Variants in DACH2 observed in about 807,000 individuals in gnomAD.
DACH2 encodes the protein dachshund homolog 2.
A neutral mutation model predicts 35.8 loss-of-function variants in DACH2; 17 were observed. The observed-to-expected ratio is 0.48, with a 90% CI of 0.33 to 0.71. The LOEUF (loss-of-function observed/expected upper bound fraction) is 0.71. Ranked by LOEUF, DACH2 falls within the 30% of genes least tolerant of loss-of-function variation. DACH2 has a pLI of 0.02. For missense variants in DACH2, 469 were observed against 472.7 expected (o/e 0.99, Z 0.07); for synonymous variants, 195 against 177.3 (o/e 1.10, Z -0.79).
At chrX:86,489,189 A>AAGATTC (rs2038060404) in intron 2 of DACH2, among the ~76,000 whole-genome samples, 2 of 111,241 alleles carry the variant, frequency 1.8e-5, no homozygotes, top group Non-Finnish European at 3.8e-5. Flanking sequence ...ATTTGAAGAT[A>AAGATTC]AGATTCATAC....
chrX:86,709,613 A>G (rs1394520616), intron 5 of DACH2, among the ~76,000 whole-genome samples: 1 of 111,999 alleles, frequency 8.9e-6, no homozygotes, highest in Non-Finnish European at 1.9e-5. Flanking sequence ...TGAAAAAACA[A>G]ACAACAGAGT....
At chrX:86,299,589 C>G (rs747490272) in intron 1 of DACH2, among the ~76,000 whole-genome samples, 3 of 112,058 alleles carry the variant, frequency 2.7e-5, no homozygotes, top group African/African-American at 9.7e-5. Context: ...TTGCTTTAGG[C>G]TGGGTTTGTT....
intron 3 of DACH2, among the ~76,000 whole-genome samples, chrX:86,516,355 CT>C (rs2038467170): frequency 9.0e-6 from 1 of 111,127 alleles, no homozygotes; most frequent in South Asian, 3.8e-4. Context: ...TTAAAATTGC[CT>C]TGAAGCTAAA....
chrX:86,520,252 T>C (rs1202709874), intron 3 of DACH2, among the ~76,000 whole-genome samples: 1 of 112,015 alleles, frequency 8.9e-6, no homozygotes, highest in East Asian at 2.8e-4. Flanking sequence ...GTTTTTATTG[T>C]GCTGTGGTCC....
chrX:86,549,518 C>CT (rs1232710509), intron 3 of DACH2, among the ~76,000 whole-genome samples: 41 of 107,948 alleles, frequency 3.8e-4, no homozygotes, highest in African/African-American at 1.0e-3. Context: ...GAGAGAAAGC[C>CT]TTTTTTTTTC....
At chrX:86,170,855 G>A (rs2031103292) in intron 1 of DACH2, among the ~76,000 whole-genome samples, 1 of 112,268 alleles carries the variant, frequency 8.9e-6, no homozygotes, top group Non-Finnish European at 1.9e-5. Context: ...TACATTTTAG[G>A]GAGACGTGAG....
At chrX:86,697,470 G>A (rs777080296) in intron 5 of DACH2, among the ~76,000 whole-genome samples, 2 of 109,905 alleles carry the variant, frequency 1.8e-5, no homozygotes, top group East Asian at 2.9e-4. Context: ...GGCTTTAAAC[G>A]AAAAAAAATG....
Position 86,784,498 on chromosome X carries a change from G to A in DACH2, c.1241-28358G>A, listed in dbSNP as rs185932856. Among the ~76,000 whole-genome samples the A allele has an allele frequency of 2.5e-4, 28 of 111,982 alleles. No individual in the cohort carries two copies. In the South Asian group the frequency reaches 4.1e-3, roughly 16 times the overall value. ...AAATAACAGATGCTGGTGAAGCTGC[G>A]GAGAAAAAGGAACACTTATACACTG... On this transcript the variant is annotated intron_variant, in intron 7 of 11. Transcript: ENST00000373125.
intron 3 of DACH2, among the ~76,000 whole-genome samples, chrX:86,532,860 A>C (rs1300876876): frequency 1.8e-5 from 2 of 110,766 alleles, no homozygotes; most frequent in African/African-American, 6.6e-5. Flanking sequence ...ATAGAACCAT[A>C]CATTGTTCAT....
At chrX:86,422,618 A>T (rs1479455666) in intron 2 of DACH2, among the ~76,000 whole-genome samples, 1 of 111,040 alleles carries the variant, frequency 9.0e-6, no homozygotes, top group African/African-American at 3.3e-5. Context: ...TGAAATAAGC[A>T]CATCATGGAT....
intron 1 of DACH2, among the ~76,000 whole-genome samples, chrX:86,178,808 CTCTTATT>C (rs1415370076): frequency 9.0e-6 from 1 of 111,558 alleles, no homozygotes; most frequent in African/African-American, 3.3e-5. Context: ...AGAACATTAG[CTCTTATT>C]TCTGAAATTG....
chrX:86,169,391 G>C (rs1428543856), intron 1 of DACH2, among the ~76,000 whole-genome samples: 1 of 110,677 alleles, frequency 9.0e-6, no homozygotes, highest in East Asian at 2.8e-4. Context: ...ACATTGGCTT[G>C]GTGTTCTATA....
chrX:86,346,738 C>CT (rs765074511), intron 1 of DACH2, among the ~76,000 whole-genome samples: 38 of 111,712 alleles, frequency 3.4e-4, no homozygotes, highest in African/African-American at 1.2e-3. Context: ...ATCCCCTATA[C>CT]TTTTTTGTGG....
intron 1 of DACH2, among the ~76,000 whole-genome samples, chrX:86,364,472 G>A (rs1295874131): frequency 1.8e-5 from 2 of 111,513 alleles, no homozygotes; most frequent in Non-Finnish European, 3.8e-5. Flanking sequence ...AGATGAGGAA[G>A]CAATCCGAAA....
chrX:86,516,228 A>G (rs2038465671), intron 3 of DACH2, among the ~76,000 whole-genome samples: 2 of 112,190 alleles, frequency 1.8e-5, no homozygotes, highest in Non-Finnish European at 3.8e-5. Context: ...TCAATGAATG[A>G]CCATCTATTT....
At chrX:86,333,654 A>T (rs1265715478) in intron 1 of DACH2, among the ~76,000 whole-genome samples, 2 of 112,097 alleles carry the variant, frequency 1.8e-5, no homozygotes, top group Non-Finnish European at 3.8e-5. Context: ...AACAATAGAT[A>T]TTTGAGGGAA....
At chrX:86,170,857 A>C (rs1269085561) in intron 1 of DACH2, among the ~76,000 whole-genome samples, 1 of 112,296 alleles carries the variant, frequency 8.9e-6, no homozygotes, top group Non-Finnish European at 1.9e-5. Flanking sequence ...CATTTTAGGG[A>C]GACGTGAGAC....
At chrX:86,688,041 T>TA (rs71709871) in intron 4 of DACH2, among the ~76,000 whole-genome samples, 4,300 of 109,117 alleles carry the variant, frequency 0.039, 215 homozygotes, top group African/African-American at 0.14. Context: ...TAAAGTATAA[T>TA]AAAAAAAAAG....
intron 2 of DACH2, among the ~76,000 whole-genome samples, chrX:86,513,256 T>G (rs988303644): frequency 8.9e-6 from 1 of 112,104 alleles, no homozygotes; most frequent in East Asian, 2.8e-4. Context: ...AATTATTTAA[T>G]ATAGTATTTT....
Sources: gnomAD v4.1 joint callset for allele counts (sites outside exome capture counted in the v4.1 genomes callset) on GRCh38, gnomAD v4.1.1 for gene constraint, MANE v1.5 for transcripts, NCBI Gene and HGNC (gene_info 2026-07-23, HGNC 2026-07-21) for gene names.